EDA: variants seen among roughly 807,000 people sequenced by gnomAD.
EDA encodes the protein ectodysplasin A.
EDA carries 2 observed loss-of-function variants against 23.6 expected under a neutral mutation model. The observed-to-expected ratio is 0.08, with a 90% confidence interval of 0.03 to 0.27. The LOEUF (loss-of-function observed/expected upper bound fraction) is 0.27, where lower values mean the gene tolerates loss of function less well. EDA is among the 10% of genes least tolerant of loss of function. EDA has a pLI of 1.00. For synonymous variants in EDA, 131 were observed against 132.0 expected (o/e 0.99, Z 0.05); for missense variants, 229 against 324.2 (o/e 0.71, Z 2.26).
chrX:69,683,482 C>A (rs1245703992), intron 1 of EDA, among the ~76,000 whole-genome samples: 1 of 111,685 alleles, frequency 9.0e-6, no homozygotes, highest in African/African-American at 3.3e-5. Context: ...CCATGGAATA[C>A]TTCATGATTT....
chrX:69,934,508 C>A lies in EDA; in HGVS notation c.397-22519C>A, dbSNP rs964028922. Among the ~76,000 whole-genome samples the A allele has an allele frequency of 5.4e-5, 6 of 111,810 alleles. No homozygotes were observed. In the East Asian group the frequency reaches 1.7e-3, roughly 31 times the overall value. On this transcript the variant is annotated intron_variant, in intron 1 of 7. Coordinates refer to ENST00000374552, the MANE Select transcript of EDA (RefSeq NM_001399.5). The stretch of plus-strand genomic sequence containing the variant: ...TTATCTGCCAATCTTTATCAGCCAG[C>A]ATCCTATTCAATGTCTGTCTATCAG...
At chrX:69,864,990 A>G (rs188121658) in intron 1 of EDA, among the ~76,000 whole-genome samples, 69 of 111,126 alleles carry the variant, frequency 6.2e-4, no homozygotes, top group African/African-American at 2.1e-3. Context: ...CTCCATCTTG[A>G]AATAAAAAAC....
chrX:69,655,425 G>A (rs770421436), intron 1 of EDA, among the ~76,000 whole-genome samples: 26 of 110,093 alleles, frequency 2.4e-4, no homozygotes, highest in African/African-American at 7.6e-4. Context: ...AGACAGTAAA[G>A]GTCCCTCCCC....
At chrX:69,714,767 C>T (rs2012247390) in intron 1 of EDA, among the ~76,000 whole-genome samples, 1 of 111,209 alleles carries the variant, frequency 9.0e-6, no homozygotes, top group Admixed American at 9.6e-5. Context: ...CCACTAATAC[C>T]ATGCTGTTTT....
At chrX:69,714,424 A>G (rs1569305760) in intron 1 of EDA, among the ~76,000 whole-genome samples, 2 of 111,385 alleles carry the variant, frequency 1.8e-5, no homozygotes, top group African/African-American at 6.5e-5. Context: ...CAATTTATCA[A>G]TTTTTTCTTT....
chrX:69,784,920 A>G (rs1368874536), intron 1 of EDA, among the ~76,000 whole-genome samples: 2 of 111,391 alleles, frequency 1.8e-5, no homozygotes, highest in East Asian at 2.8e-4. Context: ...CTTCCTACCC[A>G]TGAGCATGGA....
chrX:69,799,942 A>G (rs1313142553), intron 1 of EDA, among the ~76,000 whole-genome samples: 1 of 112,318 alleles, frequency 8.9e-6, no homozygotes, highest in Non-Finnish European at 1.9e-5. Flanking sequence ...AGCGCTGTTC[A>G]CAATAATCAA....
At chrX:69,773,523 C>T (rs1407240630) in intron 1 of EDA, among the ~76,000 whole-genome samples, 1 of 111,681 alleles carries the variant, frequency 9.0e-6, no homozygotes. Flanking sequence ...TTTTACATCC[C>T]ACCTGCAATG....
chrX:69,783,275 T>G (rs887546984), intron 1 of EDA, among the ~76,000 whole-genome samples: 1 of 110,860 alleles, frequency 9.0e-6, no homozygotes, highest in African/African-American at 3.3e-5. Context: ...TTTTTTTGCT[T>G]CTTTTTTTTA....
chrX:69,680,701 G>T, intron 1 of EDA, among the ~76,000 whole-genome samples: 2 of 78,732 alleles, frequency 2.5e-5, no homozygotes, highest in South Asian at 8.3e-4. Flanking sequence ...CTTTTATTTT[G>T]AGCCTATGTG....
At chrX:69,897,598 T>C (rs1183481871) in intron 1 of EDA, among the ~76,000 whole-genome samples, 2 of 112,286 alleles carry the variant, frequency 1.8e-5, no homozygotes, top group Non-Finnish European at 3.8e-5. Context: ...TTCTCTCCTG[T>C]CTAAAGCTCC....
At chrX:69,988,871 T>C (rs1220923417) in intron 2 of EDA, among the ~76,000 whole-genome samples, 11 of 111,191 alleles carry the variant, frequency 9.9e-5, no homozygotes. Flanking sequence ...GAAAAAAAAT[T>C]GTTTAATTTA....
intron 2 of EDA, among the ~76,000 whole-genome samples, chrX:69,964,205 C>T (rs1350658689): frequency 1.8e-5 from 2 of 111,630 alleles, no homozygotes; most frequent in Non-Finnish European, 3.8e-5. Context: ...GAAAGTCTTA[C>T]TTCACTTCTC....
chrX:69,695,360 A>G (rs958538485), intron 1 of EDA, among the ~76,000 whole-genome samples: 3 of 110,877 alleles, frequency 2.7e-5, no homozygotes, highest in Non-Finnish European at 5.7e-5. Flanking sequence ...GGTTTAAAAC[A>G]CTTGGTCAAA....
chrX:69,990,835 CAGG>C (rs1380550008), intron 2 of EDA, among the ~76,000 whole-genome samples: 5 of 106,817 alleles, frequency 4.7e-5, no homozygotes, highest in Admixed American at 4.0e-4. Flanking sequence ...GAAAGAAAAC[CAGG>C]AGAACTTATT....
intron 1 of EDA, among the ~76,000 whole-genome samples, chrX:69,726,816 C>T (rs1190341643): frequency 1.8e-5 from 2 of 112,338 alleles, no homozygotes; most frequent in East Asian, 2.8e-4. Context: ...CGGGAGCACA[C>T]GGACAGGCAG....
intron 1 of EDA, among the ~76,000 whole-genome samples, chrX:69,950,199 A>G (rs2147408113): frequency 1.4e-5 from 1 of 70,579 alleles, no homozygotes; most frequent in East Asian, 4.6e-4. Flanking sequence ...CATCTGACAA[A>G]GGGCTAATAT....
At chrX:69,829,753 C>T (rs1036487396) in intron 1 of EDA, among the ~76,000 whole-genome samples, 1 of 111,960 alleles carries the variant, frequency 8.9e-6, no homozygotes, top group Admixed American at 9.5e-5. Context: ...CACCTGCTTG[C>T]CTTGGCTTTA....
At chrX:69,999,706 G>T (rs771644076) in intron 2 of EDA, among the ~76,000 whole-genome samples, 6 of 110,585 alleles carry the variant, frequency 5.4e-5, no homozygotes, top group Non-Finnish European at 1.1e-4. Flanking sequence ...CAGTTCCCAT[G>T]TTCCTTAAAC....
Sources: gnomAD v4.1 joint callset for allele counts (sites outside exome capture counted in the v4.1 genomes callset) on GRCh38, gnomAD v4.1.1 for gene constraint, MANE v1.5 for transcripts, NCBI Gene and HGNC (gene_info 2026-07-23, HGNC 2026-07-21) for gene names.